Variants in MYO10 observed in about 807,000 individuals in gnomAD.
The protein encoded by MYO10 is myosin X, also known as unconventional myosin-X.
Under a neutral mutation model 257.3 loss-of-function variants are expected in MYO10, and 133 were observed. The observed-to-expected ratio is 0.52, with a 90% CI of 0.45 to 0.60. The LOEUF is 0.60. Among genes scored for constraint, MYO10 ranks in the 20% least tolerant of loss-of-function variants. MYO10 has a pLI of 0.00. For missense variants in MYO10, 2,399 were observed against 2,635.7 expected (o/e 0.91, Z 1.97); for synonymous variants, 1,104 against 1,028.6 (o/e 1.07, Z -1.40).
At chr5:16,842,816 G>A (rs767615992) in intron 2 of MYO10, among the ~76,000 whole-genome samples, 6 of 151,386 alleles carry the variant, frequency 4.0e-5, no homozygotes, top group Non-Finnish European at 8.8e-5. Context: ...GATTGCTTGA[G>A]CCTGGAGTTT....
chr5:16,834,865 C>T (rs1743265015), intron 2 of MYO10, among the ~76,000 whole-genome samples: 1 of 152,176 alleles, frequency 6.6e-6, no homozygotes, highest in African/African-American at 2.4e-5. Context: ...GGCACATTTC[C>T]AAGTGCCCAT....
intron 2 of MYO10, among the ~76,000 whole-genome samples, 179 bp from the exon 3 acceptor site, chr5:16,818,346 CTCTG>C (rs1175023087): frequency 6.8e-6 from 1 of 147,296 alleles, no homozygotes; most frequent in Non-Finnish European, 1.5e-5. Flanking sequence ...CTCTCTCTCT[CTCTG>C]TGTGTGTATG....
In MYO10 at chr5:16,800,464, C is replaced by A. The variant is rs553864056; in HGVS notation, c.280-5631G>T. 2.6e-5 allele frequency among the ~76,000 whole-genome samples: 4 copies of A among 152,234 alleles called. No individual in the cohort carries two copies. In the South Asian group the frequency reaches 8.3e-4, roughly 32 times the overall value. On this transcript the variant is annotated intron_variant, in intron 3 of 40. Coordinates refer to ENST00000513610, the MANE Select transcript of MYO10 (RefSeq NM_012334.3). ...CTGTTGCTGCTTTAGGCAAGAAAGC[C>A]TTGATTGTTCCCGTTTTGATGAGAA...
intron 33 of MYO10, among the ~76,000 whole-genome samples, chr5:16,678,723 C>A (rs950826572): frequency 6.6e-6 from 1 of 152,224 alleles, no homozygotes; most frequent in Admixed American, 6.5e-5. Context: ...TAGATCCTCT[C>A]CCACCTCCAC....
chr5:16,728,991 G>A (rs1293463928), intron 19 of MYO10, among the ~76,000 whole-genome samples: 2 of 152,138 alleles, frequency 1.3e-5, no homozygotes, highest in Non-Finnish European at 2.9e-5. Flanking sequence ...TTTAAGCACA[G>A]CGTGGAAGGG....
intron 9 of MYO10, 91 bp downstream of exon 9, chr5:16,779,454 T>TA: frequency 2.8e-6 from 2 of 713,464 alleles, no homozygotes; most frequent in Non-Finnish European, 4.5e-6. Context: ...TATTTCTATT[T>TA]AAAAAAATCT....
chr5:16,698,719 G>A (rs1444734513), intron 26 of MYO10, among the ~76,000 whole-genome samples: 2 of 146,724 alleles, frequency 1.4e-5, no homozygotes, highest in Non-Finnish European at 3.0e-5. Context: ...CGCCTCCTGG[G>A]TTCACGCCAT....
rs765047277 is a variant in MYO10 at position 16,673,708 on chromosome 5, T to C, written c.5146A>G (p.Ile1716Val). Residue 1716 changes from isoleucine to valine, a missense_variant, in exon 36 of 41, where the codon ATC (isoleucine) becomes GTC (valine). Physicochemically the swap from Ile to Val is conservative, Grantham distance 29. Transcript: ENST00000513610. ...TCCCCAGCGGTGGTGTGGGAGTTGATGGTGATCTTGCAGGAGCCGCCGCCA... is the reference window on the plus strand; with the variant it reads ...TCCCCAGCGGTGGTGTGGGAGTTGACGGTGATCTTGCAGGAGCCGCCGCCA... ...CHGGGSCKIT[I>V]NSHTTAGEVV... 5.0e-5 allele frequency: 80 copies of C among 1,613,726 alleles called. No individual in the cohort carries two copies. The highest frequency in any genetic ancestry group is 6.6e-5 in the Non-Finnish European group (78 of 1,179,832).
At position 16,761,566 on chromosome 5, in the gene MYO10, G is replaced by A. The variant is rs1740714770; in HGVS notation, c.1657-20C>T. On this transcript the variant is annotated intron_variant, in intron 16 of 40. Transcript: ENST00000513610. ...TTGCACCTAGTTTTAATAAATAAGA[G>A]AGGAGAAAACTGATTGAAAGAATAG... is the stretch of plus-strand genomic sequence containing the variant. 1.3e-6 allele frequency: 2 copies of A among 1,577,600 alleles called. No individual in the cohort carries two copies. The highest frequency in any genetic ancestry group is 8.7e-7 in the Non-Finnish European group (1 of 1,147,898).
intron 19 of MYO10, among the ~76,000 whole-genome samples, chr5:16,737,177 A>G (rs772144885): frequency 6.6e-6 from 1 of 152,178 alleles, no homozygotes; most frequent in Non-Finnish European, 1.5e-5. Flanking sequence ...GAGGGGAAAA[A>G]TGTTACTGTA....
intron 2 of MYO10, among the ~76,000 whole-genome samples, chr5:16,840,537 G>T (rs1346758427): frequency 6.6e-6 from 1 of 152,050 alleles, no homozygotes; most frequent in African/African-American, 2.4e-5. Context: ...ATTCTAAGAA[G>T]CCCTTGTGGA....
At chr5:16,895,249 C>T (rs771120267) in intron 1 of MYO10, among the ~76,000 whole-genome samples, 2 of 152,228 alleles carry the variant, frequency 1.3e-5, no homozygotes, top group Non-Finnish European at 2.9e-5. Flanking sequence ...TTCCCAAGAT[C>T]TCCCTCAGGG....
chr5:16,909,455 G>A (rs1052346883), intron 1 of MYO10, among the ~76,000 whole-genome samples: 1 of 146,460 alleles, frequency 6.8e-6, no homozygotes, highest in African/African-American at 2.5e-5. Context: ...GCAGTGAGCT[G>A]AGATCACACC....
At chr5:16,674,706 C>T in intron 35 of MYO10, 147 bp downstream of exon 35, 1 of 890,746 alleles carries the variant, frequency 1.1e-6, no homozygotes, top group Non-Finnish European at 1.7e-6. Context: ...TCTAAGCTTG[C>T]TCAGGCAACC....
chr5:16,862,455 C>T (rs899762840), intron 2 of MYO10, among the ~76,000 whole-genome samples: 1 of 152,228 alleles, frequency 6.6e-6, no homozygotes, highest in African/African-American at 2.4e-5. Flanking sequence ...CTTCTGAAAT[C>T]ACACCGGCAT....
rs956003423 is a variant in MYO10 at position 16,893,053 on chromosome 5, C to T, written c.22-15346G>A. ...TACTAAAAATACAAAAAAAATTAGCCGGGCGTGGTGGCGGGCGCCTGTAGT... is the reference window on the plus strand; with the variant it reads ...TACTAAAAATACAAAAAAAATTAGCTGGGCGTGGTGGCGGGCGCCTGTAGT... On this transcript the variant is annotated intron_variant, in intron 1 of 40. Coordinates refer to ENST00000513610, the MANE Select transcript of MYO10 (RefSeq NM_012334.3). Among the ~76,000 whole-genome samples the T allele has an allele frequency of 8.6e-5, 13 of 151,792 alleles. No individual in the cohort carries two copies. The East Asian group carries it at 1.8e-3, about 21-fold the overall frequency.
intron 27 of MYO10, among the ~76,000 whole-genome samples, chr5:16,690,334 G>T (rs256937): frequency 6.6e-6 from 1 of 152,248 alleles, no homozygotes; most frequent in Admixed American, 6.5e-5. Flanking sequence ...AGTGGGGTGG[G>T]GAGTGGGGTG....
intron 1 of MYO10, among the ~76,000 whole-genome samples, chr5:16,881,194 A>C (rs528513007): frequency 6.6e-6 from 1 of 152,316 alleles, no homozygotes; most frequent in South Asian, 2.1e-4. Context: ...TCCCAATCAA[A>C]ATTGTCTATT....
At chr5:16,925,763 A>G (rs1746114572) in intron 1 of MYO10, among the ~76,000 whole-genome samples, 1 of 152,192 alleles carries the variant, frequency 6.6e-6, no homozygotes, top group Non-Finnish European at 1.5e-5. Context: ...AGAACCTCAG[A>G]AATACCTGAT....
Sources: allele counts gnomAD v4.1 joint callset (sites outside exome capture counted in the v4.1 genomes callset), GRCh38; gene constraint gnomAD v4.1.1; transcripts MANE v1.5; gene names NCBI Gene and HGNC (gene_info 2026-07-23, HGNC 2026-07-21).